The following RBFOX1 variants were observed in gnomAD, a reference collection of about 807,000 sequenced individuals.
The protein encoded by RBFOX1 is RNA binding fox-1 homolog 1, also known as RNA binding protein fox-1 homolog 1.
RBFOX1 carries 8 observed loss-of-function variants against 57.7 expected under a neutral mutation model. The observed-to-expected ratio is 0.14, with a 90% CI of 0.08 to 0.25. RBFOX1 has a LOEUF of 0.25. Among genes scored for constraint, RBFOX1 ranks in the 10% least tolerant of loss-of-function variants. The pLI, the probability that RBFOX1 is intolerant of heterozygous loss-of-function variation, is 1.00. For synonymous variants in RBFOX1, 326 were observed against 222.4 expected (o/e 1.47, Z -4.15); for missense variants, 611 against 548.5 (o/e 1.11, Z -1.14).
chr16:6,831,681 AG>A (rs2092717833), intron 3 of RBFOX1, among the ~76,000 whole-genome samples: 1 of 152,192 alleles, frequency 6.6e-6, no homozygotes, highest in Non-Finnish European at 1.5e-5. Context: ...ACTTGCAACC[AG>A]TTCTATTATT....
At chr16:6,491,023 C>T (rs1053842339) in intron 2 of RBFOX1, among the ~76,000 whole-genome samples, 1 of 151,842 alleles carries the variant, frequency 6.6e-6, no homozygotes, top group Non-Finnish European at 1.5e-5. Flanking sequence ...ATGAGATGAA[C>T]CCACATAACC....
At chr16:7,677,132 T>TACACACATACACACACACACACAC (rs1555762485) in intron 14 of RBFOX1, among the ~76,000 whole-genome samples, 12 of 137,862 alleles carry the variant, frequency 8.7e-5, no homozygotes, top group Non-Finnish European at 1.6e-4. Flanking sequence ...CACATACACA[T>TACACACATACACACACACACACAC]ACACACACAC....
At chr16:6,140,528 C>T (rs1455287276) in intron 1 of RBFOX1, among the ~76,000 whole-genome samples, 3 of 152,100 alleles carry the variant, frequency 2.0e-5, no homozygotes, top group African/African-American at 7.2e-5. Context: ...GTAGGGTGGC[C>T]TGTAGCAGGA....
chr16:5,845,600 C>A (rs947491167), intron 3 of RBFOX1, among the ~76,000 whole-genome samples: 8 of 152,168 alleles, frequency 5.3e-5, no homozygotes, highest in African/African-American at 1.9e-4. Context: ...TTTCACTGTG[C>A]TTTTCTTTGT....
At chr16:6,251,717 T>C (rs895396961) in intron 1 of RBFOX1, among the ~76,000 whole-genome samples, 2 of 152,038 alleles carry the variant, frequency 1.3e-5, no homozygotes, top group Non-Finnish European at 2.9e-5. Context: ...ACAAATTAAA[T>C]GAATGAAAAA....
At chr16:5,907,674 A>C (rs1274152462) in intron 4 of RBFOX1, among the ~76,000 whole-genome samples, 1 of 152,132 alleles carries the variant, frequency 6.6e-6, no homozygotes, top group Non-Finnish European at 1.5e-5. Flanking sequence ...CCACAAAGAC[A>C]TGCCTACTTG....
chr16:6,488,170 C>G (rs1195634283), intron 2 of RBFOX1, among the ~76,000 whole-genome samples: 1 of 152,164 alleles, frequency 6.6e-6, no homozygotes, highest in Non-Finnish European at 1.5e-5. Flanking sequence ...CCAGCCCTTC[C>G]TTTGCTCTTC....
chr16:6,935,358 A>G (rs2077192882), intron 3 of RBFOX1, among the ~76,000 whole-genome samples: 1 of 152,158 alleles, frequency 6.6e-6, no homozygotes, highest in South Asian at 2.1e-4. Context: ...CTCCCTCCCC[A>G]TGAATAGAAT....
intron 4 of RBFOX1, among the ~76,000 whole-genome samples, chr16:7,378,576 C>G (rs1033688400): frequency 2.6e-5 from 4 of 152,186 alleles, no homozygotes; most frequent in African/African-American, 9.7e-5. Context: ...TGCATTTAAT[C>G]TGGGACATGG....
At chr16:7,349,575 T>C (rs529586662) in intron 4 of RBFOX1, among the ~76,000 whole-genome samples, 3 of 152,176 alleles carry the variant, frequency 2.0e-5, no homozygotes, top group South Asian at 4.2e-4. Flanking sequence ...CTCCTCCCTT[T>C]CCGTTTTGAT....
chr16:5,387,377 A>G (rs1376026537), intron 1 of RBFOX1, among the ~76,000 whole-genome samples: 1 of 152,182 alleles, frequency 6.6e-6, no homozygotes, highest in Admixed American at 6.5e-5. Flanking sequence ...AGGCCCTCCA[A>G]GTTGGCATGG....
intron 14 of RBFOX1, among the ~76,000 whole-genome samples, chr16:7,702,291 C>A (rs926228517): frequency 2.6e-5 from 4 of 152,046 alleles, no homozygotes; most frequent in African/African-American, 7.2e-5. Flanking sequence ...CTGTGAAGTC[C>A]CATATTCTGG....
chr16:7,351,319 C>G (rs559190231), intron 4 of RBFOX1, among the ~76,000 whole-genome samples: 1 of 152,236 alleles, frequency 6.6e-6, no homozygotes, highest in South Asian at 2.1e-4. Flanking sequence ...AAGGTTATTA[C>G]GCATTGACTG....
chr16:5,741,696 C>T (rs1339892545), intron 3 of RBFOX1, among the ~76,000 whole-genome samples: 2 of 152,176 alleles, frequency 1.3e-5, no homozygotes, highest in African/African-American at 4.8e-5. Context: ...TCAATGCTAT[C>T]ATAAATTTGG....
intron 2 of RBFOX1, among the ~76,000 whole-genome samples, chr16:6,357,070 G>T (rs376333460): frequency 4.6e-5 from 7 of 151,990 alleles, no homozygotes; most frequent in African/African-American, 1.7e-4. Flanking sequence ...GCAGTATTTG[G>T]CCAAGGGAAG....
chr16:5,487,907 A>C (rs917847335), intron 2 of RBFOX1, among the ~76,000 whole-genome samples: 1 of 151,894 alleles, frequency 6.6e-6, no homozygotes, highest in African/African-American at 2.4e-5. Context: ...GCTGTTGATA[A>C]TGGAGATTTA....
At position 7,133,137 on chromosome 16, in the gene RBFOX1, C is replaced by G. The variant is rs371208338; in HGVS notation, c.27+81039C>G. ...GCATCAAAAATGCAGGTTTTAATAC[C>G]AAGATCCATGACCTAGAAAGAGGTT... On this transcript the variant is annotated intron_variant, in intron 4 of 15. Transcript: ENST00000550418. Among the ~76,000 whole-genome samples, 270 of 152,156 alleles carry G rather than the reference C, an allele frequency of 1.8e-3. 1 individual carries two copies. Among genetic ancestry groups the G allele is most frequent in the African/African-American group, 6.2e-3 (257 of 41,498 alleles).
chr16:6,163,138 G>A (rs942640597), intron 1 of RBFOX1, among the ~76,000 whole-genome samples: 22 of 152,168 alleles, frequency 1.4e-4, no homozygotes, highest in African/African-American at 4.1e-4. Flanking sequence ...AAGGGTTGTG[G>A]TGTAAGTAGA....
rs71145238 is a variant in RBFOX1 at position 6,506,624 on chromosome 16, ATTTTTTTTTTTTT to A, written c.-63-147950_-63-147938del. ...ACGGTAATAACAATCACAGTAGCTA[ATTTTTTTTTTTTT>A]TTTTTTTTTTTTTTTTTTTTTTTTT... On this transcript the variant is annotated intron_variant, in intron 2 of 15. Transcript: ENST00000550418. Among the ~76,000 whole-genome samples, 59 of 98,452 alleles carry A rather than the reference ATTTTTTTTTTTTT, an allele frequency of 6.0e-4. 2 individuals carry two copies. The highest frequency in any genetic ancestry group is 2.1e-3 in the African/African-American group (49 of 22,966). 64.6% of individuals were successfully genotyped at this position (98,452 alleles called of 152,430 possible).
Sources: gnomAD v4.1 joint callset for allele counts (sites outside exome capture counted in the v4.1 genomes callset) on GRCh38, gnomAD v4.1.1 for gene constraint, MANE v1.5 for transcripts, NCBI Gene and HGNC (gene_info 2026-07-23, HGNC 2026-07-21) for gene names.